Variants in RBFOX1 observed in about 807,000 individuals in gnomAD.
RBFOX1 encodes the protein RNA binding protein fox-1 homolog 1.
RBFOX1 carries 8 observed loss-of-function variants against 57.7 expected under a neutral mutation model. The observed-to-expected ratio is 0.14, with a 90% CI of 0.08 to 0.25. RBFOX1 has a LOEUF of 0.25. Among genes scored for constraint, RBFOX1 ranks in the 10% least tolerant of loss-of-function variants. The pLI, the probability that RBFOX1 is intolerant of heterozygous loss-of-function variation, is 1.00. For missense variants in RBFOX1, 611 were observed against 548.5 expected (o/e 1.11, Z -1.14); for synonymous variants, 326 against 222.4 (o/e 1.47, Z -4.15).
intron 3 of RBFOX1, among the ~76,000 whole-genome samples, chr16:6,790,078 A>G (rs549883164): frequency 1.4e-3 from 183 of 131,666 alleles, no homozygotes; most frequent in Non-Finnish European, 2.2e-3. Context: ...ACTTATTTAT[A>G]TTTTTCTATT....
chr16:6,647,504 T>G (rs1014417534), intron 2 of RBFOX1, among the ~76,000 whole-genome samples: 1 of 152,122 alleles, frequency 6.6e-6, no homozygotes, highest in Non-Finnish European at 1.5e-5. Context: ...TGCCTTAGAC[T>G]CCCAAAGTGA....
chr16:6,790,720 C>A (rs1424199968), intron 3 of RBFOX1, among the ~76,000 whole-genome samples: 1 of 152,102 alleles, frequency 6.6e-6, no homozygotes, highest in East Asian at 1.9e-4. Context: ...CTCCATCCCT[C>A]CTCTTCTTCT....
chr16:7,214,076 G>GAAA (rs36099134), intron 4 of RBFOX1, among the ~76,000 whole-genome samples: 78 of 148,400 alleles, frequency 5.3e-4, no homozygotes, highest in African/African-American at 1.1e-3. Flanking sequence ...GCTTGCTATG[G>GAAA]AAAAAAAAAA....
At chr16:6,497,432 C>T (rs567182936) in intron 2 of RBFOX1, among the ~76,000 whole-genome samples, 2 of 152,146 alleles carry the variant, frequency 1.3e-5, no homozygotes, top group East Asian at 3.9e-4. Flanking sequence ...CTTCTCAAGG[C>T]CCAGAGAGCA....
intron 1 of RBFOX1, among the ~76,000 whole-genome samples, chr16:6,145,084 C>G (rs1300734245): frequency 6.6e-6 from 1 of 151,868 alleles, no homozygotes; most frequent in Non-Finnish European, 1.5e-5. Context: ...GTTTGTTACA[C>G]AGGTAAACTT....
chr16:5,791,540 C>T lies in RBFOX1; in HGVS notation c.319-75763C>T, dbSNP rs540123783. Among the ~76,000 whole-genome samples the T allele has an allele frequency of 3.5e-4, 54 of 152,200 alleles. No individual in the cohort carries two copies. The South Asian group carries it at 0.011, about 31-fold the overall frequency. ...ACTGCCTGGCACAGTAACTGACAGG[C>T]AGGCAGCACACAAAAGTCTGTGTGG... On this transcript the variant is annotated intron_variant, in intron 3 of 19. Coordinates refer to the RBFOX1 transcript ENST00000641259.
intron 4 of RBFOX1, among the ~76,000 whole-genome samples, chr16:5,870,472 G>A (rs1287303218): frequency 4.0e-5 from 6 of 151,822 alleles, no homozygotes; most frequent in Non-Finnish European, 7.4e-5. Flanking sequence ...TGGTCAGATG[G>A]TCATGGTGGG....
intron 3 of RBFOX1, among the ~76,000 whole-genome samples, chr16:6,842,494 A>T (rs975583061): frequency 6.6e-6 from 1 of 152,066 alleles, no homozygotes; most frequent in Non-Finnish European, 1.5e-5. Flanking sequence ...AGAAAAACCA[A>T]ATTGAATCAT....
chr16:7,479,608 T>C lies in RBFOX1; in HGVS notation c.28-38539T>C, dbSNP rs554245097. On this transcript the variant is annotated intron_variant, in intron 4 of 15. Transcript: ENST00000550418. Reference sequence around the variant, plus strand: ...AAGCATGAAACAGGTACTGTGCATCTCACCACAGCTCAGAGATGGAAGGAT... The same window carrying C: ...AAGCATGAAACAGGTACTGTGCATCCCACCACAGCTCAGAGATGGAAGGAT... Among the ~76,000 whole-genome samples the C allele has an allele frequency of 2.6e-5, 4 of 152,288 alleles. No individual in the cohort carries two copies. The South Asian group carries it at 8.3e-4, about 32-fold the overall frequency.
At chr16:7,518,906 C>G (rs1025941120) in intron 5 of RBFOX1, among the ~76,000 whole-genome samples, 1 of 151,942 alleles carries the variant, frequency 6.6e-6, no homozygotes, top group South Asian at 2.1e-4. Context: ...GCCTGTAGTC[C>G]CAGCTACTTG....
At chr16:5,781,877 C>G (rs1349678365) in intron 3 of RBFOX1, among the ~76,000 whole-genome samples, 4 of 152,182 alleles carry the variant, frequency 2.6e-5, no homozygotes, top group Non-Finnish European at 5.9e-5. Flanking sequence ...CATTGTGCTG[C>G]TATAACGAAA....
At chr16:6,696,155 A>T (rs1429346365) in intron 3 of RBFOX1, among the ~76,000 whole-genome samples, 1 of 152,210 alleles carries the variant, frequency 6.6e-6, no homozygotes, top group Non-Finnish European at 1.5e-5. Flanking sequence ...TTTTTGTAGA[A>T]TGAGGAATTA....
At chr16:7,637,369 C>T (rs373717294) in intron 11 of RBFOX1, among the ~76,000 whole-genome samples, 2 of 152,016 alleles carry the variant, frequency 1.3e-5, no homozygotes, top group East Asian at 1.9e-4. Context: ...TTATTGACTT[C>T]TATGAAACTC....
chr16:7,301,939 G>A (rs982422675), intron 4 of RBFOX1, among the ~76,000 whole-genome samples: 1 of 152,174 alleles, frequency 6.6e-6, no homozygotes, highest in Non-Finnish European at 1.5e-5. Context: ...CAGGTAGGAA[G>A]TAAGAGAAGA....
At chr16:6,032,631 T>C (rs535097623) in intron 1 of RBFOX1, among the ~76,000 whole-genome samples, 4 of 152,112 alleles carry the variant, frequency 2.6e-5, no homozygotes, top group Non-Finnish European at 5.9e-5. Flanking sequence ...GTTTATGAAA[T>C]GCCAGCAGAT....
At chr16:6,810,141 T>C (rs982362202) in intron 3 of RBFOX1, among the ~76,000 whole-genome samples, 37 of 152,248 alleles carry the variant, frequency 2.4e-4, no homozygotes, top group Admixed American at 1.8e-3. Context: ...ATGCCTCTTA[T>C]GGACAGGGAT....
intron 1 of RBFOX1, among the ~76,000 whole-genome samples, chr16:5,416,880 C>T (rs574363806): frequency 5.9e-5 from 9 of 152,134 alleles, no homozygotes; most frequent in Non-Finnish European, 1.0e-4. Flanking sequence ...CATAACCCAG[C>T]CCATCCTGCC....
At chr16:5,884,166 T>G (rs921259975) in intron 4 of RBFOX1, among the ~76,000 whole-genome samples, 1 of 152,122 alleles carries the variant, frequency 6.6e-6, no homozygotes, top group African/African-American at 2.4e-5. Context: ...AAATAGCAAG[T>G]TGTCAGTAAA....
At chr16:7,659,814 A>AAT (rs567034760) in intron 12 of RBFOX1, among the ~76,000 whole-genome samples, 367 of 152,326 alleles carry the variant, frequency 2.4e-3, no homozygotes, top group African/African-American at 8.3e-3. Context: ...AAACATGATG[A>AAT]ATAAGTGGTC....
Sources: allele counts gnomAD v4.1 joint callset (sites outside exome capture counted in the v4.1 genomes callset), GRCh38; gene constraint gnomAD v4.1.1; transcripts MANE v1.5; gene names NCBI Gene and HGNC (gene_info 2026-07-23, HGNC 2026-07-21).